CLINT1: variants seen among roughly 807,000 people sequenced by gnomAD.
CLINT1 encodes clathrin interactor 1.
Under a neutral mutation model 70.4 loss-of-function variants are expected in CLINT1, and 15 were observed. The ratio of observed to expected loss-of-function variants is 0.21; its 90% CI spans 0.14 to 0.33. The LOEUF is 0.33. CLINT1 is among the 10% of genes least tolerant of loss of function. CLINT1 has a pLI of 1.00. For missense variants in CLINT1, 615 were observed against 778.1 expected, an observed-to-expected ratio of 0.79 and a Z score of 2.49; for synonymous variants, 227 against 254.7, an observed-to-expected ratio of 0.89 and a Z score of 1.04.
At chr5:157,818,603 C>G (rs755834567) in intron 1 of CLINT1, among the ~76,000 whole-genome samples, 1 of 151,582 alleles carries the variant, frequency 6.6e-6, no homozygotes, top group South Asian at 2.1e-4. Flanking sequence ...GAGCCATGAC[C>G]GCCCAACTGT....
rs149524562 is a variant in CLINT1, at chr5:157,833,752, C to A, written c.42-16205G>T. ...CTCAGGAGTTCTGAACCAGCCTGGG[C>A]AACATGGTGAATCCTCATCTTTACA... On this transcript the variant is annotated intron_variant, in intron 1 of 11. Transcript: ENST00000411809. Among the ~76,000 whole-genome samples the A allele has an allele frequency of 4.5e-3, 681 of 152,176 alleles. 6 individuals are homozygous for A. The highest frequency in any genetic ancestry group is 0.01 in the Middle Eastern group (3 of 294).
chr5:157,820,149 T>C (rs1448840511), intron 1 of CLINT1, among the ~76,000 whole-genome samples: 1 of 152,168 alleles, frequency 6.6e-6, no homozygotes, highest in Non-Finnish European at 1.5e-5. Context: ...ACCAGATCTA[T>C]TAGAAGTTAT....
At chr5:157,823,676 C>T in intron 1 of CLINT1, 1 of 530,556 alleles carries the variant, frequency 1.9e-6, no homozygotes, top group South Asian at 8.2e-5. Context: ...AGAAAAGATA[C>T]TTTTATAAAT....
rs751842472 is a variant in CLINT1 at position 157,787,882 on chromosome 5, G to A, written c.1642C>T (p.Pro548Ser). 1.9e-6 allele frequency: 3 copies of A among 1,613,830 alleles called. No homozygotes were observed. The highest frequency in any genetic ancestry group is 1.7e-5 in the Admixed American group (1 of 59,990). Reference sequence around the variant, plus strand: ...ACATTGGGCATGCTCATAGGCATGGGTCCCCCTATCAAAGCATTAGTTTGG... The same window carrying A: ...ACATTGGGCATGCTCATAGGCATGGATCCCCCTATCAAAGCATTAGTTTGG... ...RPQTNALIGGPMPMSMPNVMT... is the reference protein window; with the variant it reads ...RPQTNALIGGSMPMSMPNVMT... Residue 548 changes from proline (P) to serine (S), a missense_variant, in exon 12 of 12, where the codon CCC becomes TCC. By Grantham distance (74) the Pro-to-Ser change is moderately conservative. This residue lies in a region of CLINT1 where 374 missense variants were observed against 409.6 expected (regional missense o/e 0.91). Coordinates refer to ENST00000411809, the MANE Select transcript of CLINT1 (RefSeq NM_014666.4).
At chr5:157,857,645 T>C (rs1753801810) in intron 1 of CLINT1, among the ~76,000 whole-genome samples, 1 of 152,236 alleles carries the variant, frequency 6.6e-6, no homozygotes. Context: ...TAGGTATCGT[T>C]GCATTTTCAT....
chr5:157,790,674 A>C (rs1339740151), intron 10 of CLINT1: 2 of 454,534 alleles, frequency 4.4e-6, no homozygotes, highest in African/African-American at 4.0e-5. Context: ...ATGAGTAATT[A>C]GCATCATAAA....
intron 1 of CLINT1, 45 bp downstream of exon 1, chr5:157,858,872 TCTCCCCCTCCCCC>T: frequency 2.6e-6 from 3 of 1,165,824 alleles, no homozygotes; most frequent in Non-Finnish European, 3.7e-6. Flanking sequence ...GCCAGCTCCT[TCTCCCCCTCCCCC>T]CTCCCCCACG....
chr5:157,844,734 T>G (rs1178052155), intron 1 of CLINT1, among the ~76,000 whole-genome samples: 1 of 152,230 alleles, frequency 6.6e-6, no homozygotes, highest in African/African-American at 2.4e-5. Context: ...CTGAGGCATG[T>G]CGAACTGACC....
intron 2 of CLINT1, among the ~76,000 whole-genome samples, 180 bp downstream of exon 2, chr5:157,817,263 G>A (rs1762748949): frequency 6.6e-6 from 1 of 151,984 alleles, no homozygotes; most frequent in Admixed American, 6.6e-5. Context: ...ATTTTTAAGG[G>A]GAATGGATTG....
chr5:157,826,630 ACATG>A (rs111272796), intron 1 of CLINT1, among the ~76,000 whole-genome samples: 20,013 of 151,926 alleles, frequency 0.13, 1,518 homozygotes, highest in Non-Finnish European at 0.19. Flanking sequence ...ATGTTTCCAT[ACATG>A]CATGTGAGAT....
intron 1 of CLINT1, among the ~76,000 whole-genome samples, chr5:157,847,696 C>T (rs2113320937): frequency 6.6e-6 from 1 of 152,228 alleles, no homozygotes; most frequent in Non-Finnish European, 1.5e-5. Flanking sequence ...GACTGAATTG[C>T]TGTAATCTCA....
intron 1 of CLINT1, among the ~76,000 whole-genome samples, chr5:157,838,731 C>T (rs1304306935): frequency 6.6e-6 from 1 of 152,110 alleles, no homozygotes; most frequent in Non-Finnish European, 1.5e-5. Context: ...AAGGCTGTAA[C>T]AAGAAATATT....
At chr5:157,829,318 C>T (rs1303362966) in intron 1 of CLINT1, among the ~76,000 whole-genome samples, 1 of 152,100 alleles carries the variant, frequency 6.6e-6, no homozygotes, top group Non-Finnish European at 1.5e-5. Context: ...TTTAAAACTT[C>T]CAAGATTTTC....
intron 1 of CLINT1, among the ~76,000 whole-genome samples, chr5:157,818,335 G>A (rs1762781663): frequency 6.6e-6 from 1 of 151,850 alleles, no homozygotes; most frequent in Non-Finnish European, 1.5e-5. Context: ...CTACCTCAAA[G>A]GCTAGCACAG....
intron 10 of CLINT1, among the ~76,000 whole-genome samples, chr5:157,791,051 T>G (rs35820805): frequency 0.08 from 12,243 of 152,144 alleles, 571 homozygotes; most frequent in East Asian, 0.18. Flanking sequence ...ACAATATCTC[T>G]ATTTCTTTTT....
chr5:157,831,905 T>C (rs1324974611), intron 1 of CLINT1, among the ~76,000 whole-genome samples: 1 of 151,902 alleles, frequency 6.6e-6, no homozygotes, highest in Non-Finnish European at 1.5e-5. Flanking sequence ...TTGGCCGGGA[T>C]GGTCTTGATC....
chr5:157,826,060 G>A (rs1763026089), intron 1 of CLINT1, among the ~76,000 whole-genome samples: 1 of 152,100 alleles, frequency 6.6e-6, no homozygotes, highest in African/African-American at 2.4e-5. Flanking sequence ...TCAGTTTGAG[G>A]AAGAAGGGAG....
intron 1 of CLINT1, among the ~76,000 whole-genome samples, chr5:157,853,549 GGT>G (rs1554103461): frequency 2.6e-5 from 4 of 151,866 alleles, no homozygotes; most frequent in Non-Finnish European, 5.9e-5. Flanking sequence ...GTCTGAGGCA[GGT>G]GGATCACCTG....
chr5:157,851,686 CAAAAAA>C (rs34229522), intron 1 of CLINT1, among the ~76,000 whole-genome samples: 2 of 88,964 alleles, frequency 2.2e-5, no homozygotes, highest in Non-Finnish European at 4.8e-5. Flanking sequence ...GACCCCGTCT[CAAAAAA>C]AAAAAAAAAA....
Sources: allele counts gnomAD v4.1 joint callset (sites outside exome capture counted in the v4.1 genomes callset), GRCh38; gene constraint gnomAD v4.1.1; regional missense constraint gnomAD v4.1.1; transcripts MANE v1.5; gene names NCBI Gene and HGNC (gene_info 2026-07-23, HGNC 2026-07-21).